The following ALG11 variants were observed in gnomAD, a reference collection of about 807,000 sequenced individuals.
ALG11 encodes the protein GDP-Man:Man(3)GlcNAc(2)-PP-Dol alpha-1,2-mannosyltransferase.
Under a neutral mutation model 38.8 loss-of-function variants are expected in ALG11, and 26 were observed. The observed-to-expected ratio is 0.67, with a 90% confidence interval of 0.49 to 0.93. The LOEUF is 0.93. ALG11 is among the 40% of genes least tolerant of loss of function. ALG11 has a pLI of 0.00. For missense variants in ALG11, 535 were observed against 578.8 expected (o/e 0.92, Z 0.78); for synonymous variants, 199 against 211.6 (o/e 0.94, Z 0.52).
chr13:52,027,812 T>C (rs902074104), intron 3 of ALG11, among the ~76,000 whole-genome samples: 1 of 152,232 alleles, frequency 6.6e-6, no homozygotes, highest in Non-Finnish European at 1.5e-5. Flanking sequence ...ACTATTAAAA[T>C]TGTTTTTTAT....
rs776477871 is a variant in ALG11 at position 52,029,701 on chromosome 13, A to G, written c.*1111A>G. ...TGGAAAGAATGAGCCTTAAGCACCA[A>G]AACAGTGGGAAATGGGCCAAGTCAA... On this transcript the variant is annotated 3_prime_UTR_variant, in exon 4 of 4. Transcript: ENST00000521508. The G allele has an allele frequency of 2.5e-6, 4 of 1,614,218 alleles. No individual in the cohort carries two copies. The highest frequency in any genetic ancestry group is 3.4e-6 in the Non-Finnish European group (4 of 1,180,036).
rs745814815 is a variant in ALG11 at position 52,029,777 on chromosome 13, C to T, written c.*1187C>T. On this transcript the variant is annotated 3_prime_UTR_variant, in exon 4 of 4. Coordinates refer to ENST00000521508, the MANE Select transcript of ALG11 (RefSeq NM_001004127.3). ...GGAGGCTCGCCAAGCTATGCAGGAA[C>T]AGTTGGCCAAGAACAAAGAACTGAC... 2 of 1,614,070 alleles carry T rather than the reference C, an allele frequency of 1.2e-6. No homozygotes were observed. The highest frequency in any genetic ancestry group is 4.5e-5 in the East Asian group (2 of 44,888).
rs561794944 is a variant in ALG11, at chr13:52,033,188, T to G, written c.*4598T>G. ...AATGATAGCATGAAAAGTGTCAAAGTGGTTTGTCCGCTAGCGTCTGTCTGC... is the reference window on the plus strand; with the variant it reads ...AATGATAGCATGAAAAGTGTCAAAGGGGTTTGTCCGCTAGCGTCTGTCTGC... On this transcript the variant is annotated 3_prime_UTR_variant, in exon 4 of 4. Coordinates refer to ENST00000521508, the MANE Select transcript of ALG11 (RefSeq NM_001004127.3). The G allele has an allele frequency of 1.2e-5, 2 of 167,158 alleles. No homozygotes were observed. The highest frequency in any genetic ancestry group is 3.9e-4 in the East Asian group (2 of 5,190). The allele number at this position is 167,158 out of a possible 1,614,324, so 10.4% of individuals were successfully genotyped here.
Position 52,028,397 on chromosome 13 carries a change from C to T in ALG11, c.1286C>T (p.Pro429Leu), listed in dbSNP as rs1342449930. The change falls in exon 4 of 4, where the codon CCT becomes CTT. Residue 429 changes from proline (P) to leucine (L), a missense_variant. Physicochemically the swap from Pro to Leu is moderately conservative, Grantham distance 98. Coordinates refer to ENST00000521508, the MANE Select transcript of ALG11 (RefSeq NM_001004127.3). ...SGGPKLDIVV[P>L]HEGDITGFLA... is the part of the protein sequence containing the mutation. ...GGCCCAAAGCTTGACATTGTGGTTCCTCACGAAGGAGATATAACTGGCTTT... is the reference window on the plus strand; with the variant it reads ...GGCCCAAAGCTTGACATTGTGGTTCTTCACGAAGGAGATATAACTGGCTTT... The T allele has an allele frequency of 6.8e-6, 11 of 1,614,156 alleles. No individual in the cohort carries two copies. The highest frequency in any genetic ancestry group is 9.3e-6 in the Non-Finnish European group (11 of 1,180,034).
intron 2 of ALG11, chr13:52,020,607 A>G (rs1215347830): frequency 6.6e-6 from 1 of 152,260 alleles, no homozygotes; most frequent in Non-Finnish European, 1.5e-5. Flanking sequence ...TGGCGGTGGT[A>G]AAGTTTCATG....
rs564826881 is a variant in ALG11, at chr13:52,032,354, A to G, written c.*3764A>G. 1.2e-5 allele frequency: 2 copies of G among 167,228 alleles called. No homozygotes were observed. Among genetic ancestry groups the G allele is most frequent in the African/African-American group, 4.8e-5 (2 of 41,602 alleles). The allele number at this position is 167,228 out of a possible 1,614,324, so 10.4% of individuals were successfully genotyped here. On this transcript the variant is annotated 3_prime_UTR_variant, in exon 4 of 4. Transcript: ENST00000521508. ...ATTGTTAGTTACTAGGCCAGTAGCT[A>G]GGAATTGGTATAAATTTAATGCACC...
At chr13:52,025,164 A>T (rs934843521) in intron 3 of ALG11, among the ~76,000 whole-genome samples, 1 of 152,170 alleles carries the variant, frequency 6.6e-6, no homozygotes, top group Non-Finnish European at 1.5e-5. Flanking sequence ...AGATTTTTAC[A>T]TGTATTATCT....
In ALG11 at chr13:52,029,291, G is replaced by T. The variant is rs1259553954; in HGVS notation, c.*701G>T. ...GCAGCTGGTTTTTCCCCTGGGGAAG[G>T]AGCAGCCAGCCATTGCTCCCATTGA... On this transcript the variant is annotated 3_prime_UTR_variant, in exon 4 of 4. Coordinates refer to ENST00000521508, the MANE Select transcript of ALG11 (RefSeq NM_001004127.3). 2.5e-6 allele frequency: 4 copies of T among 1,614,068 alleles called. No individual in the cohort carries two copies. Among genetic ancestry groups the T allele is most frequent in the Non-Finnish European group, 3.4e-6 (4 of 1,180,050 alleles).
At position 52,018,848 on chromosome 13, in the gene ALG11, CTT is replaced by C; in HGVS notation, c.45-63_45-62del. On this transcript the variant is annotated intron_variant, in intron 1 of 3. Transcript: ENST00000521508. Reference sequence around the variant, plus strand: ...TATAAAGTAGATATGTAAAAGCAGACTTTAATTTGTAATTTTTTTAATGTATA... The same window carrying C: ...TATAAAGTAGATATGTAAAAGCAGACTAATTTGTAATTTTTTTAATGTATA... 2.2e-6 allele frequency: 3 copies of C among 1,370,716 alleles called. No individual in the cohort carries two copies. In the African/African-American group the frequency reaches 4.4e-5, roughly 20 times the overall value. The allele number at this position is 1,370,716 out of a possible 1,614,324, so 84.9% of individuals were successfully genotyped here.
chr13:52,028,992 G>A lies in ALG11; in HGVS notation c.*402G>A, dbSNP rs752664420. 1.9e-6 allele frequency: 3 copies of A among 1,614,232 alleles called. No individual in the cohort carries two copies. The highest frequency in any genetic ancestry group is 1.6e-4 in the Middle Eastern group (1 of 6,062). On this transcript the variant is annotated 3_prime_UTR_variant, in exon 4 of 4. Coordinates refer to ENST00000521508, the MANE Select transcript of ALG11 (RefSeq NM_001004127.3). ...AAGAATAGGCGGAAATTGGCTGAGAGGTCTGAGGCTAGTCTGAAAGTGTCA... is the reference window on the plus strand; with the variant it reads ...AAGAATAGGCGGAAATTGGCTGAGAAGTCTGAGGCTAGTCTGAAAGTGTCA...
At chr13:52,018,821 T>C in intron 1 of ALG11, 92 bp from the exon 2 acceptor site, 1 of 1,009,924 alleles carries the variant, frequency 9.9e-7, no homozygotes, top group South Asian at 1.4e-5. Flanking sequence ...TTGTTACTAA[T>C]ATATAAAGTA....
intron 2 of ALG11, chr13:52,020,894 A>C (rs1436801386): frequency 6.6e-6 from 1 of 152,202 alleles, no homozygotes; most frequent in Non-Finnish European, 1.5e-5. Context: ...GTTAATTTCT[A>C]CAAGCCTTTC....
chr13:52,018,977 ATTGTCCT>A lies in ALG11; in HGVS notation c.113_119del (p.Val38GlyfsTer13). On this transcript the variant is annotated frameshift_variant, in exon 2 of 4. Coordinates refer to ENST00000521508, the MANE Select transcript of ALG11 (RefSeq NM_001004127.3). LOFTEE classifies it high-confidence loss of function. ...TGGAACTTTATGTGTGTGTTTGGTC[ATTGTCCT>A]TTGGGGAATCAGACTGCTGCTACAG... The A allele has an allele frequency of 2.5e-6, 4 of 1,613,952 alleles. No homozygotes were observed. The East Asian group carries it at 8.9e-5, about 36-fold the overall frequency.
chr13:52,029,502 A>G lies in ALG11; in HGVS notation c.*912A>G, dbSNP rs753376749. On this transcript the variant is annotated 3_prime_UTR_variant, in exon 4 of 4. Coordinates refer to ENST00000521508, the MANE Select transcript of ALG11 (RefSeq NM_001004127.3). ...GAGCTTCAGAGGGCTCGGGCTCTGC[A>G]GTCCTACTATGAGGCCAAGGCTCGA... is the stretch of plus-strand genomic sequence containing the variant. 3 of 1,614,220 alleles carry G rather than the reference A, an allele frequency of 1.9e-6. No individual in the cohort carries two copies. Among genetic ancestry groups the G allele is most frequent in the Non-Finnish European group, 2.5e-6 (3 of 1,180,040 alleles).
chr13:52,015,229 C>G (rs1335152850), intron 1 of ALG11, among the ~76,000 whole-genome samples: 1 of 152,130 alleles, frequency 6.6e-6, no homozygotes, highest in Non-Finnish European at 1.5e-5. Context: ...ATAGCAAAAC[C>G]CTATTTCTAC....
Position 52,030,388 on chromosome 13 carries a change from A to T in ALG11, c.*1798A>T, listed in dbSNP as rs764192896. ...GTTTTCAAAATAAGGAGCTTCCCAG[A>T]CCTGTGTTAGAAGGACAGCAGTCAG... On this transcript the variant is annotated 3_prime_UTR_variant, in exon 4 of 4. Coordinates refer to ENST00000521508, the MANE Select transcript of ALG11 (RefSeq NM_001004127.3). 6.2e-7 allele frequency: 1 copy of T among 1,614,200 alleles called. No individual in the cohort carries two copies. Among genetic ancestry groups the T allele is most frequent in the Non-Finnish European group, 8.5e-7 (1 of 1,180,042 alleles).
In ALG11 at chr13:52,012,445, C is replaced by T. The variant is rs748982784; in HGVS notation, c.27C>T (p.Cys9=). Residue 9 remains cysteine, a synonymous_variant, in exon 1 of 4, where the codon TGC becomes TGT. Transcript: ENST00000521508. MAAGERSW[C]LCKLLRFFYS... ...TGGCGGCCGGCGAAAGGAGCTGGTG[C>T]CTGTGCAAGTTGTTGAGGTGAGCAG... is the stretch of plus-strand genomic sequence containing the variant. 3.5e-5 allele frequency: 56 copies of T among 1,613,968 alleles called. No individual in the cohort carries two copies. The highest frequency in any genetic ancestry group is 4.2e-5 in the Non-Finnish European group (49 of 1,180,048).
intron 2 of ALG11, chr13:52,020,895 C>T (rs1954178503): frequency 6.6e-6 from 1 of 152,214 alleles, no homozygotes; most frequent in South Asian, 2.1e-4. Flanking sequence ...TTAATTTCTA[C>T]AAGCCTTTCC....
chr13:52,019,034 A>C lies in ALG11; in HGVS notation c.166A>C (p.Ser56Arg). Reference protein sequence around the residue: ...LQRKKKLVSTSKNGKNQMVIA... With the variant: ...LQRKKKLVSTRKNGKNQMVIA... ...GAGAAAGAAAAAATTAGTGTCAACT[A>C]GCAAAAATGGGAAAAATCAAATGGT... The change falls in exon 2 of 4, where the codon AGC (serine) becomes CGC (arginine). Residue 56 changes from serine (S) to arginine (R), a missense_variant. By Grantham distance (110) the Ser-to-Arg change is moderately radical (BLOSUM62 -1). Coordinates refer to ENST00000521508, the MANE Select transcript of ALG11 (RefSeq NM_001004127.3). 6.2e-7 allele frequency: 1 copy of C among 1,614,072 alleles called. No individual in the cohort carries two copies. Among genetic ancestry groups the C allele is most frequent in the Non-Finnish European group, 8.5e-7 (1 of 1,180,008 alleles).
Sources: allele counts gnomAD v4.1 joint callset (sites outside exome capture counted in the v4.1 genomes callset), GRCh38; gene constraint gnomAD v4.1.1; transcripts MANE v1.5; gene names NCBI Gene and HGNC (gene_info 2026-07-23, HGNC 2026-07-21).